Variants in PARD3B observed in about 807,000 individuals in gnomAD.
PARD3B encodes the protein par-3 family cell polarity regulator beta.
Under a neutral mutation model 130.2 loss-of-function variants are expected in PARD3B, and 103 were observed. The observed-to-expected ratio is 0.79, with a 90% CI of 0.67 to 0.93. The LOEUF (loss-of-function observed/expected upper bound fraction) is 0.93, where lower values mean the gene tolerates loss of function less well. PARD3B is among the 40% of genes least tolerant of loss of function. PARD3B has a pLI of 0.00. For synonymous variants in PARD3B, 583 were observed against 553.2 expected (o/e 1.05, Z -0.76); for missense variants, 1,609 against 1,499.2 (o/e 1.07, Z -1.21).
intron 1 of PARD3B, among the ~76,000 whole-genome samples, chr2:204,670,606 G>T (rs2036253452): frequency 6.6e-6 from 1 of 151,944 alleles, no homozygotes; most frequent in African/African-American, 2.4e-5. Context: ...GTTTACATCT[G>T]ATTAAGGTAG....
intron 3 of PARD3B, among the ~76,000 whole-genome samples, chr2:204,990,184 T>G (rs1296902739): frequency 6.6e-6 from 1 of 152,094 alleles, no homozygotes. Flanking sequence ...CCATTCAGAT[T>G]TACTCTTCTG....
chr2:204,949,781 T>A (rs1689615467), intron 2 of PARD3B, among the ~76,000 whole-genome samples: 1 of 152,246 alleles, frequency 6.6e-6, no homozygotes, highest in East Asian at 1.9e-4. Flanking sequence ...ATTTAAATTT[T>A]ATAAATTAAG....
At chr2:205,248,937 A>ACTTCTTTTT (rs2125925235) in intron 16 of PARD3B, among the ~76,000 whole-genome samples, 1 of 150,466 alleles carries the variant, frequency 6.6e-6, no homozygotes, top group East Asian at 2.0e-4. Context: ...GAATCAGTTA[A>ACTTCTTTTT]CTTCTTTTTG....
chr2:205,342,635 G>A (rs138913377), intron 18 of PARD3B, among the ~76,000 whole-genome samples: 50 of 152,224 alleles, frequency 3.3e-4, no homozygotes, highest in Admixed American at 7.2e-4. Flanking sequence ...AATTTACTCT[G>A]ATTTCATTGT....
intron 2 of PARD3B, among the ~76,000 whole-genome samples, chr2:204,862,225 G>C (rs1182691878): frequency 6.6e-6 from 1 of 152,110 alleles, no homozygotes; most frequent in African/African-American, 2.4e-5. Context: ...GGTCTTGCTG[G>C]AAGTGCAGTG....
At chr2:204,712,350 C>T (rs888671258) in intron 2 of PARD3B, among the ~76,000 whole-genome samples, 1 of 152,098 alleles carries the variant, frequency 6.6e-6, no homozygotes, top group Non-Finnish European at 1.5e-5. Flanking sequence ...CAGTGGCTCA[C>T]ACCTGTAATC....
intron 20 of PARD3B, among the ~76,000 whole-genome samples, chr2:205,480,293 T>C (rs1294417511): frequency 6.6e-6 from 1 of 152,200 alleles, no homozygotes; most frequent in Non-Finnish European, 1.5e-5. Context: ...ATACTCTTCA[T>C]GGAGATTCTT....
intron 2 of PARD3B, among the ~76,000 whole-genome samples, chr2:204,858,807 CATATATA>C (rs1006718315): frequency 6.8e-6 from 1 of 147,866 alleles, no homozygotes; most frequent in African/African-American, 2.5e-5. Context: ...TAGTAAAATA[CATATATA>C]ATATAACATG....
intron 15 of PARD3B, among the ~76,000 whole-genome samples, chr2:205,240,378 T>G (rs1234283106): frequency 6.6e-6 from 1 of 152,208 alleles, no homozygotes; most frequent in Non-Finnish European, 1.5e-5. Flanking sequence ...AAGATGTATT[T>G]TTATTGTGCC....
chr2:205,343,403 C>T (rs1393297332), intron 18 of PARD3B, among the ~76,000 whole-genome samples: 1 of 152,184 alleles, frequency 6.6e-6, no homozygotes, highest in Admixed American at 6.5e-5. Flanking sequence ...TTCTTGACTT[C>T]ATGGTCCTGA....
At chr2:204,977,495 C>A (rs1321044572) in intron 3 of PARD3B, among the ~76,000 whole-genome samples, 1 of 152,114 alleles carries the variant, frequency 6.6e-6, no homozygotes, top group African/African-American at 2.4e-5. Flanking sequence ...AAATGAGACA[C>A]CCATGTTCTG....
At chr2:205,019,922 A>C (rs1053897759) in intron 3 of PARD3B, among the ~76,000 whole-genome samples, 1 of 152,180 alleles carries the variant, frequency 6.6e-6, no homozygotes, top group Admixed American at 6.6e-5. Flanking sequence ...TAGCCATGAC[A>C]CAAGCTTAAT....
rs529750373 is a variant in PARD3B, at chr2:205,559,918, T to A, written c.3260+6515T>A. On this transcript the variant is annotated intron_variant, in intron 22 of 22. Coordinates refer to ENST00000406610, the MANE Select transcript of PARD3B (RefSeq NM_001302769.2). ...CCAGCCCAGATTTCTAAATAGTTCA[T>A]CCCTAGTGAGCACTTACTATGTACA... Among the ~76,000 whole-genome samples the A allele has an allele frequency of 7.2e-5, 11 of 152,276 alleles. No individual in the cohort carries two copies. The South Asian group carries it at 1.0e-3, about 14-fold the overall frequency.
chr2:205,104,091 C>G (rs1703021888), intron 4 of PARD3B, among the ~76,000 whole-genome samples: 1 of 152,178 alleles, frequency 6.6e-6, no homozygotes, highest in African/African-American at 2.4e-5. Context: ...CATCTGTCAC[C>G]AGAGTCCCCC....
At chr2:205,293,951 T>C (rs990898410) in intron 16 of PARD3B, 5 of 152,048 alleles carry the variant, frequency 3.3e-5, no homozygotes, top group African/African-American at 7.2e-5. Context: ...GGTAGGAAAA[T>C]TTCCCACACT....
Position 205,057,288 on chromosome 2 carries a change from C to G in PARD3B, c.504+9598C>G, listed in dbSNP as rs533583194. On this transcript the variant is annotated intron_variant, in intron 4 of 22. Coordinates refer to ENST00000406610, the MANE Select transcript of PARD3B (RefSeq NM_001302769.2). ...GTTATATGTATGTTATATACATATA[C>G]ATATATACATGTATGTATTCGTATA... Among the ~76,000 whole-genome samples the G allele has an allele frequency of 8.8e-5, 13 of 147,600 alleles. No individual in the cohort carries two copies. The South Asian group carries it at 2.8e-3, about 32-fold the overall frequency.
chr2:204,674,762 C>T (rs2036457775), intron 1 of PARD3B, among the ~76,000 whole-genome samples: 1 of 152,082 alleles, frequency 6.6e-6, no homozygotes, highest in African/African-American at 2.4e-5. Flanking sequence ...ATGCTTTAAA[C>T]CTTACTCAGT....
At chr2:205,129,342 T>C (rs2031770548) in intron 10 of PARD3B, among the ~76,000 whole-genome samples, 2 of 152,216 alleles carry the variant, frequency 1.3e-5, no homozygotes, top group African/African-American at 4.8e-5. Flanking sequence ...AAAGAGGTGA[T>C]GTTTGGCACG....
At chr2:205,050,894 G>A (rs1273624047) in intron 4 of PARD3B, among the ~76,000 whole-genome samples, 1 of 152,048 alleles carries the variant, frequency 6.6e-6, no homozygotes, top group Non-Finnish European at 1.5e-5. Context: ...GTGCAATTCG[G>A]TTTGCCTGGG....
Sources: allele counts gnomAD v4.1 joint callset (sites outside exome capture counted in the v4.1 genomes callset), GRCh38; gene constraint gnomAD v4.1.1; transcripts MANE v1.5; gene names NCBI Gene and HGNC (gene_info 2026-07-23, HGNC 2026-07-21).